Variants in CPVL observed in about 807,000 individuals in gnomAD.
The protein encoded by CPVL is probable serine carboxypeptidase CPVL.
In CPVL, 51 loss-of-function variants were observed where a neutral mutation model predicts 63.7. That is an observed-to-expected ratio of 0.80 (90% CI 0.64 to 1.01). The LOEUF is 1.01. Ranked by LOEUF, CPVL falls within the 50% of genes least tolerant of loss-of-function variation. The pLI, the probability that CPVL is intolerant of heterozygous loss-of-function variation, is 0.00. For synonymous variants in CPVL, 195 were observed against 206.0 expected, an observed-to-expected ratio of 0.95 and a Z score of 0.46; for missense variants, 530 against 573.1, an observed-to-expected ratio of 0.92 and a Z score of 0.77.
chr7:29,004,896 C>CT (rs555443117), intron 12 of CPVL, among the ~76,000 whole-genome samples: 24,615 of 144,292 alleles, frequency 0.17, 2,372 homozygotes, highest in East Asian at 0.25. Context: ...TTTTTCTTTT[C>CT]TTTTCTTTTT....
intron 11 of CPVL, among the ~76,000 whole-genome samples, chr7:29,032,170 A>G (rs1291801551): frequency 6.6e-6 from 1 of 152,054 alleles, no homozygotes; most frequent in Non-Finnish European, 1.5e-5. Flanking sequence ...GATATAAAAT[A>G]TTTCACTGCA....
At position 29,123,076 on chromosome 7, in the gene CPVL, AC is replaced by A. The variant is rs529045464; in HGVS notation, c.-10-2006del. On this transcript the variant is annotated intron_variant, in intron 1 of 12. Coordinates refer to ENST00000265394, the MANE Select transcript of CPVL (RefSeq NM_031311.5). The stretch of plus-strand genomic sequence containing the variant: ...CATTTCTGGATGCAAAAAGAGATAC[AC>A]AATTATGCAAATATAATGCCTGCTT... Among the ~76,000 whole-genome samples, 8 of 152,338 alleles carry A rather than the reference AC, an allele frequency of 5.3e-5. No homozygotes were observed. In the South Asian group the frequency reaches 1.7e-3, roughly 32 times the overall value.
chr7:29,070,774 T>C (rs1434459124), intron 9 of CPVL, among the ~76,000 whole-genome samples: 1 of 152,226 alleles, frequency 6.6e-6, no homozygotes, highest in Non-Finnish European at 1.5e-5. Context: ...GGGGGATTTC[T>C]GATAGTGTCC....
chr7:28,996,681 T>C (rs1784108163), intron 12 of CPVL, among the ~76,000 whole-genome samples: 1 of 152,170 alleles, frequency 6.6e-6, no homozygotes, highest in Admixed American at 6.5e-5. Flanking sequence ...CATAGCAAAT[T>C]CGAAAACAAT....
chr7:29,073,956 T>A (rs1259657715), intron 7 of CPVL, among the ~76,000 whole-genome samples: 1 of 152,236 alleles, frequency 6.6e-6, no homozygotes, highest in Non-Finnish European at 1.5e-5. Context: ...ACCTGTGAGT[T>A]CACAGACCCT....
intron 5 of CPVL, among the ~76,000 whole-genome samples, chr7:29,173,046 G>A (rs1264780504): frequency 1.3e-5 from 2 of 151,124 alleles, no homozygotes; most frequent in Non-Finnish European, 2.9e-5. Context: ...AAGGAGAATC[G>A]CTTGAACCCA....
chr7:29,156,951 A>G lies in CPVL; in HGVS notation c.-11+24339T>C, dbSNP rs148131483. ...CAAGAAAAGACATCTAACAAACATCAAAACAAAAGCTACCCTTCGAGCTCA... is the reference window on the plus strand; with the variant it reads ...CAAGAAAAGACATCTAACAAACATCGAAACAAAAGCTACCCTTCGAGCTCA... On this transcript the variant is annotated intron_variant, in intron 5 of 16. Transcript: ENST00000409850. Among the ~76,000 whole-genome samples, 15 of 152,294 alleles carry G rather than the reference A, an allele frequency of 9.8e-5. No homozygotes were observed. The East Asian group carries it at 2.9e-3, about 29-fold the overall frequency.
At chr7:29,184,888 G>T (rs1562814492) in intron 3 of CPVL, among the ~76,000 whole-genome samples, 1 of 152,136 alleles carries the variant, frequency 6.6e-6, no homozygotes, top group Admixed American at 6.5e-5. Flanking sequence ...CCAGCCCTGA[G>T]GAATGGGAGT....
At chr7:29,008,146 G>A (rs757468445) in intron 12 of CPVL, among the ~76,000 whole-genome samples, 2 of 152,126 alleles carry the variant, frequency 1.3e-5, no homozygotes, top group Non-Finnish European at 2.9e-5. Context: ...GCAAGAGGAG[G>A]GAATCCCATG....
intron 1 of CPVL, among the ~76,000 whole-genome samples, chr7:29,133,942 T>C (rs921528324): frequency 3.3e-5 from 5 of 152,182 alleles, no homozygotes; most frequent in South Asian, 2.1e-4. Flanking sequence ...AATGGAGGAA[T>C]TGGCAAGAGT....
intron 10 of CPVL, among the ~76,000 whole-genome samples, chr7:29,064,894 A>G (rs954745647): frequency 6.8e-6 from 1 of 146,628 alleles, no homozygotes; most frequent in African/African-American, 2.5e-5. Context: ...CATGTACCCT[A>G]AAACTTAAAG....
intron 10 of CPVL, among the ~76,000 whole-genome samples, chr7:29,065,315 T>C (rs1014682558): frequency 3.3e-5 from 5 of 152,218 alleles, no homozygotes; most frequent in African/African-American, 9.6e-5. Flanking sequence ...AACTGCAGCA[T>C]TGGCGAATTC....
intron 1 of CPVL, chr7:29,186,665 A>G (rs1798756217): frequency 6.6e-6 from 1 of 152,152 alleles, no homozygotes; most frequent in African/African-American, 2.4e-5. Flanking sequence ...AAATAAAAAC[A>G]TGAGTATTCA....
chr7:28,997,817 C>T (rs1185943542), intron 12 of CPVL, among the ~76,000 whole-genome samples: 1 of 152,192 alleles, frequency 6.6e-6, no homozygotes, highest in African/African-American at 2.4e-5. Flanking sequence ...AAAATTATTG[C>T]AGATATAAAC....
Position 29,146,417 on chromosome 7 carries a change from G to A in CPVL, c.-11+12C>T. On this transcript the variant is annotated intron_variant, in intron 1 of 12. Transcript: ENST00000265394. ...GAGCTGGCACGACCCACGCAGGGCA[G>A]GCGGCACTTACGCGGCGCAGTCGGT... The A allele has an allele frequency of 2.9e-6, 3 of 1,043,976 alleles. No individual in the cohort carries two copies. The highest frequency in any genetic ancestry group is 4.0e-6 in the Non-Finnish European group (3 of 746,350). 64.7% of individuals were successfully genotyped at this position (1,043,976 alleles called of 1,614,324 possible).
At chr7:29,069,450 A>G (rs1783501002) in intron 9 of CPVL, among the ~76,000 whole-genome samples, 1 of 151,912 alleles carries the variant, frequency 6.6e-6, no homozygotes, top group Non-Finnish European at 1.5e-5. Flanking sequence ...CAAAAAAAAA[A>G]AAAAAAAAAA....
At chr7:29,187,622 G>T (rs1411753881) in intron 1 of CPVL, among the ~76,000 whole-genome samples, 8 of 152,054 alleles carry the variant, frequency 5.3e-5, no homozygotes, top group Non-Finnish European at 1.0e-4. Context: ...CAGCTACTCG[G>T]GAGGCTGAGG....
intron 5 of CPVL, among the ~76,000 whole-genome samples, chr7:29,180,002 C>A (rs2128740961): frequency 6.6e-6 from 1 of 152,272 alleles, no homozygotes; most frequent in African/African-American, 2.4e-5. Flanking sequence ...TATTTCCCTG[C>A]AGACAGTGGA....
chr7:29,114,001 C>T (rs1325738657), intron 2 of CPVL, among the ~76,000 whole-genome samples: 3 of 152,200 alleles, frequency 2.0e-5, no homozygotes, highest in African/African-American at 2.4e-5. Context: ...GGAAGCTTGA[C>T]TCCTCACATG....
Sources: allele counts gnomAD v4.1 joint callset (sites outside exome capture counted in the v4.1 genomes callset), GRCh38; gene constraint gnomAD v4.1.1; transcripts MANE v1.5; gene names NCBI Gene and HGNC (gene_info 2026-07-23, HGNC 2026-07-21).